PDE7B: variants seen among roughly 807,000 people sequenced by gnomAD.
The protein encoded by PDE7B is 3',5'-cyclic-AMP phosphodiesterase 7B.
Under a neutral mutation model 56.2 loss-of-function variants are expected in PDE7B, and 29 were observed. The observed-to-expected ratio is 0.52, with a 90% CI of 0.38 to 0.70. The LOEUF is 0.70. PDE7B is among the 30% of genes least tolerant of loss of function. PDE7B has a pLI of 0.00. For synonymous variants in PDE7B, 197 were observed against 196.9 expected (o/e 1.00, Z 0.00); for missense variants, 490 against 565.0 (o/e 0.87, Z 1.35).
intron 3 of PDE7B, among the ~76,000 whole-genome samples, chr6:136,116,813 A>G (rs866274547): frequency 6.6e-6 from 1 of 152,244 alleles, no homozygotes; most frequent in Non-Finnish European, 1.5e-5. Context: ...AACAGGCGTC[A>G]TGAAGTCAAC....
chr6:135,924,335 C>G (rs904146419), intron 1 of PDE7B, among the ~76,000 whole-genome samples: 4 of 152,278 alleles, frequency 2.6e-5, no homozygotes, highest in Admixed American at 2.6e-4. Context: ...TATGGTAGAG[C>G]TTTGAGGGTG....
At chr6:136,150,595 T>C (rs1357163898) in intron 5 of PDE7B, among the ~76,000 whole-genome samples, 1 of 152,208 alleles carries the variant, frequency 6.6e-6, no homozygotes, top group Admixed American at 6.5e-5. Context: ...TCAAAATCAT[T>C]ATTCCTAAAT....
chr6:135,954,807 TTGCTTTG>T (rs1363820316), intron 2 of PDE7B, among the ~76,000 whole-genome samples: 2 of 152,308 alleles, frequency 1.3e-5, no homozygotes, highest in African/African-American at 4.8e-5. Context: ...GAAGTCAATA[TTGCTTTG>T]TGTAAGAAAA....
At chr6:135,903,512 G>A (rs9389342) in intron 1 of PDE7B, among the ~76,000 whole-genome samples, 16,505 of 152,084 alleles carry the variant, frequency 0.11, 1,254 homozygotes, top group African/African-American at 0.21. Flanking sequence ...AGCTCTAAAA[G>A]TTGTTTAGGG....
At chr6:136,006,591 A>C (rs1775789245) in intron 2 of PDE7B, among the ~76,000 whole-genome samples, 1 of 152,048 alleles carries the variant, frequency 6.6e-6, no homozygotes, top group African/African-American at 2.4e-5. Context: ...TTCTTTGAGC[A>C]GTGTTTTGTA....
At chr6:136,095,854 A>G (rs1170216252) in intron 2 of PDE7B, 2 of 152,218 alleles carry the variant, frequency 1.3e-5, no homozygotes, top group Non-Finnish European at 2.9e-5. Context: ...TTAATTCAAG[A>G]AAAGTATTTT....
At chr6:136,126,565 A>G (rs1388694142) in intron 3 of PDE7B, among the ~76,000 whole-genome samples, 1 of 152,236 alleles carries the variant, frequency 6.6e-6, no homozygotes, top group South Asian at 2.1e-4. Context: ...ATGCCCATCA[A>G]TTGATGAATG....
chr6:135,885,349 A>T (rs1236195252), intron 1 of PDE7B, among the ~76,000 whole-genome samples: 1 of 144,802 alleles, frequency 6.9e-6, no homozygotes, highest in Non-Finnish European at 1.5e-5. Context: ...TTTTTATCTC[A>T]CTGCCACTAC....
chr6:135,941,944 T>C (rs753732850), intron 1 of PDE7B, among the ~76,000 whole-genome samples: 4 of 152,068 alleles, frequency 2.6e-5, no homozygotes, highest in Non-Finnish European at 5.9e-5. Flanking sequence ...CTCAGGAAAA[T>C]AAAAAGATAT....
intron 2 of PDE7B, among the ~76,000 whole-genome samples, chr6:136,076,938 C>T (rs1777136247): frequency 6.6e-6 from 1 of 152,008 alleles, no homozygotes; most frequent in Non-Finnish European, 1.5e-5. Context: ...TTCAGGGGTC[C>T]CTGAACAAAA....
intron 2 of PDE7B, among the ~76,000 whole-genome samples, chr6:136,013,720 GAGA>G (rs778640890): frequency 6.6e-6 from 1 of 152,226 alleles, no homozygotes; most frequent in Non-Finnish European, 1.5e-5. Context: ...TTCAGCAGAT[GAGA>G]AGAACTCGAA....
chr6:136,041,454 G>T (rs1776411389), intron 2 of PDE7B, among the ~76,000 whole-genome samples: 1 of 152,238 alleles, frequency 6.6e-6, no homozygotes, highest in African/African-American at 2.4e-5. Context: ...CCAGAGAGAA[G>T]GTGATACATA....
intron 2 of PDE7B, chr6:136,046,316 A>G (rs1040320449): frequency 3.9e-5 from 6 of 152,244 alleles, no homozygotes; most frequent in Admixed American, 1.3e-4. Flanking sequence ...GCACTCAAAT[A>G]TGTGATGAAA....
At chr6:135,865,336 C>G (rs1368402699) in intron 1 of PDE7B, among the ~76,000 whole-genome samples, 1 of 152,078 alleles carries the variant, frequency 6.6e-6, no homozygotes, top group Admixed American at 6.6e-5. Flanking sequence ...CTTTCTTCAT[C>G]TGTATCTAAT....
rs1779237436 is a variant in PDE7B at position 136,192,020 on chromosome 6, A to AT, written c.*183dup. The AT allele has an allele frequency of 1.7e-6, 1 of 602,898 alleles. No individual in the cohort carries two copies. The highest frequency in any genetic ancestry group is 2.9e-6 in the Non-Finnish European group (1 of 339,636). The allele number at this position is 602,898 out of a possible 1,614,324, so 37.3% of individuals were successfully genotyped here. On this transcript the variant is annotated 3_prime_UTR_variant, in exon 13 of 13. Coordinates refer to ENST00000308191, the MANE Select transcript of PDE7B (RefSeq NM_018945.4). ...TCCTTTTCGCAAATGTACAGAAGCC[A>AT]TTTGTCACCTCAGCATTCGCTGCCG...
chr6:136,170,430 G>A (rs1778860136), intron 8 of PDE7B, among the ~76,000 whole-genome samples: 1 of 152,004 alleles, frequency 6.6e-6, no homozygotes, highest in South Asian at 2.1e-4. Flanking sequence ...ACTAAACCCT[G>A]TGCCCATTAA....
rs183270053 is a variant in PDE7B at position 136,084,994 on chromosome 6, G to T, written c.83-23737G>T. The stretch of plus-strand genomic sequence containing the variant: ...CCCCTTCACCCCTCTTTCCCTCTAG[G>T]TCTCGACTCCTAGCCGATGGCTGGC... On this transcript the variant is annotated intron_variant, in intron 2 of 12. Transcript: ENST00000308191. 8.6e-4 allele frequency among the ~76,000 whole-genome samples: 131 copies of T among 151,908 alleles called. 1 individual carries two copies. The highest frequency in any genetic ancestry group is 3.4e-3 in the Middle Eastern group (1 of 294).
chr6:136,180,225 A>C (rs1198038222), intron 10 of PDE7B, among the ~76,000 whole-genome samples: 2 of 152,156 alleles, frequency 1.3e-5, no homozygotes, highest in East Asian at 1.9e-4. Flanking sequence ...CTCCTTCCTT[A>C]TTTCTTTCCA....
intron 2 of PDE7B, among the ~76,000 whole-genome samples, chr6:136,073,100 A>C (rs1206536383): frequency 2.0e-5 from 3 of 152,070 alleles, no homozygotes; most frequent in African/African-American, 7.2e-5. Flanking sequence ...CATTGATGGA[A>C]TATCTGAGAT....
Sources: gnomAD v4.1 joint callset for allele counts (sites outside exome capture counted in the v4.1 genomes callset) on GRCh38, gnomAD v4.1.1 for gene constraint, MANE v1.5 for transcripts, NCBI Gene and HGNC (gene_info 2026-07-23, HGNC 2026-07-21) for gene names.